Variants in TRIML2 observed in about 807,000 individuals in gnomAD.
The protein encoded by TRIML2 is probable E3 ubiquitin-protein ligase TRIML2.
Under a neutral mutation model 31.2 loss-of-function variants are expected in TRIML2, and 28 were observed. That is an observed-to-expected ratio of 0.90 (90% CI 0.66 to 1.23). The LOEUF (loss-of-function observed/expected upper bound fraction) is 1.23, where lower values mean the gene tolerates loss of function less well. Among genes scored for constraint, TRIML2 ranks in the 50% most tolerant of loss-of-function variants. The pLI, the probability that TRIML2 is intolerant of heterozygous loss-of-function variation, is 0.00. For synonymous variants in TRIML2, 187 were observed against 197.5 expected, an observed-to-expected ratio of 0.95 and a Z score of 0.45; for missense variants, 536 against 528.3, an observed-to-expected ratio of 1.01 and a Z score of -0.14.
intron 3 of TRIML2, among the ~76,000 whole-genome samples, chr4:188,103,446 G>A (rs1362672079): frequency 6.6e-6 from 1 of 151,974 alleles, no homozygotes; most frequent in Non-Finnish European, 1.5e-5. Context: ...CTAAATGACT[G>A]ACCGCCTTCT....
chr4:188,098,722 G>A (rs1234195744), intron 5 of TRIML2: 1 of 289,368 alleles, frequency 3.5e-6, no homozygotes, highest in South Asian at 5.4e-5. Context: ...TGCCTATAGA[G>A]CTGTTTTATT....
At position 188,097,094 on chromosome 4, in the gene TRIML2, T is replaced by C. The variant is rs1404806612; in HGVS notation, c.712A>G (p.Arg238Gly). Residue 238 changes from arginine to glycine, a missense_variant, in exon 7 of 8, where the codon AGA becomes GGA. By Grantham distance (125) the Arg-to-Gly change is moderately radical. Coordinates refer to ENST00000682553, the MANE Select transcript of TRIML2 (RefSeq NM_173553.4). ...HITDLSLCHI[R>G]GLSSMFRVLQ... ...ACTCTGAACATGCTGCTGAGTCCTC[T>C]TATGTGGCATAAACTCAGGTCTGTG... The C allele has an allele frequency of 6.2e-7, 1 of 1,613,944 alleles. No homozygotes were observed. Among genetic ancestry groups the C allele is most frequent in the African/African-American group, 1.3e-5 (1 of 74,920 alleles).
At position 188,105,332 on chromosome 4, in the gene TRIML2, T is replaced by C; in HGVS notation, c.37A>G (p.Ile13Val). 1.3e-6 allele frequency: 2 copies of C among 1,598,020 alleles called. No homozygotes were observed. The highest frequency in any genetic ancestry group is 1.3e-5 in the African/African-American group (1 of 74,826). ...KRLSPQLQHN[I>V]TEDAYCETHL... is the part of the protein sequence containing the mutation. The stretch of plus-strand genomic sequence containing the variant: ...GTTTCACAATAGGCATCTTCTGTGA[T>C]GTTGTGCTGTAACTGAGGGCTGAGC... Residue 13 changes from isoleucine (I) to valine (V), a missense_variant, in exon 2 of 8, where the codon ATC (isoleucine) becomes GTC (valine). Coordinates refer to ENST00000682553, the MANE Select transcript of TRIML2 (RefSeq NM_173553.4).
intron 4 of TRIML2, 95 bp from the exon 5 acceptor site, chr4:188,099,270 A>T (rs1040549317): frequency 6.8e-7 from 1 of 1,473,470 alleles, no homozygotes; most frequent in African/African-American, 1.4e-5. Context: ...CCATGTTTTT[A>T]AAAACCTGCT....
In TRIML2 at chr4:188,099,082, CG is replaced by C. The variant is rs759087191; in HGVS notation, c.573del (p.Ile191MetfsTer23). The C allele has an allele frequency of 8.7e-6, 14 of 1,614,148 alleles. No individual in the cohort carries two copies. In the South Asian group the frequency reaches 1.2e-4, roughly 14 times the overall value. On this transcript the variant is annotated frameshift_variant, in exon 5 of 8. Transcript: ENST00000682553. LOFTEE classifies it high-confidence loss of function. ...TCCCCACACTTTTTCTCAAGCTCCA[CG>C]ATGAGCTTTAGGAGGCTGCGGACCT... ...SEQVRSLLKL[I>X]VELEKKCGEG...
rs918347673 is a variant in TRIML2 at position 188,096,644 on chromosome 4, C to T, written c.745+417G>A. Among the ~76,000 whole-genome samples the T allele has an allele frequency of 8.0e-5, 12 of 149,574 alleles. No homozygotes were observed. In the East Asian group the frequency reaches 2.4e-3, roughly 29 times the overall value. On this transcript the variant is annotated intron_variant, in intron 7 of 7. Coordinates refer to ENST00000682553, the MANE Select transcript of TRIML2 (RefSeq NM_173553.4). ...AATATGTATAACATATTAAGCTCTCCAGTCTCCTAAAATTTTTATTTATTT... is the reference window on the plus strand; with the variant it reads ...AATATGTATAACATATTAAGCTCTCTAGTCTCCTAAAATTTTTATTTATTT...
At chr4:188,093,381 C>T (rs959270869) in intron 7 of TRIML2, among the ~76,000 whole-genome samples, 2 of 152,086 alleles carry the variant, frequency 1.3e-5, no homozygotes, top group South Asian at 2.1e-4. Flanking sequence ...TCTGGAAAAA[C>T]GCACAGCTGT....
chr4:188,102,625 T>G (rs1733847824), intron 3 of TRIML2, among the ~76,000 whole-genome samples: 1 of 151,780 alleles, frequency 6.6e-6, no homozygotes, highest in Non-Finnish European at 1.5e-5. Flanking sequence ...CCAAGGCAGG[T>G]GGATCATGGG....
Position 188,104,863 on chromosome 4 carries a change from C to T in TRIML2, c.259G>A (p.Glu87Lys), listed in dbSNP as rs1248903139. The change falls in exon 3 of 8, where the codon GAG becomes AAG. Residue 87 changes from glutamate (E) to lysine (K), a missense_variant. Physicochemically the swap from Glu to Lys is moderately conservative, Grantham distance 56. Transcript: ENST00000682553. ...TGAATCATCGCCATTCTTTCTTGCT[C>T]ATCAGTCAATATGCTTTTAGCTGCT... ...LEAAKSILTD[E>K]QERMAMIQEE... 2.5e-6 allele frequency: 4 copies of T among 1,614,020 alleles called. No homozygotes were observed. In the South Asian group the frequency reaches 3.3e-5, roughly 13 times the overall value.
chr4:188,105,159 A>G, intron 2 of TRIML2, 21 bp downstream of exon 2: 1 of 1,590,234 alleles, frequency 6.3e-7, no homozygotes, highest in Non-Finnish European at 8.6e-7. Flanking sequence ...GTGTTTTGGG[A>G]TTTGCGTGAG....
intron 7 of TRIML2, among the ~76,000 whole-genome samples, chr4:188,095,925 G>A (rs116780200): frequency 0.025 from 3,766 of 152,300 alleles, 142 homozygotes; most frequent in African/African-American, 0.085. Flanking sequence ...GCAGTATGCT[G>A]TCAGCCTCGA....
At chr4:188,102,129 TA>T (rs141783514) in intron 3 of TRIML2, among the ~76,000 whole-genome samples, 16,971 of 106,128 alleles carry the variant, frequency 0.16, 1,728 homozygotes, top group East Asian at 0.63. Flanking sequence ...GACTCCATCT[TA>T]AAAAAAAAAA....
chr4:188,109,261 G>A lies in TRIML2; in HGVS notation c.-241C>T, dbSNP rs958588641. ...CACTTACTTTCTTTGTAGCAATCCT[G>A]GGTATTTCCTTTTTTTTTTTTTTTT... On this transcript the variant is annotated 5_prime_UTR_variant, in exon 1 of 8. Coordinates refer to ENST00000682553, the MANE Select transcript of TRIML2 (RefSeq NM_173553.4). 3 of 144,984 alleles carry A rather than the reference G, an allele frequency of 2.1e-5. No individual in the cohort carries two copies. The highest frequency in any genetic ancestry group is 7.7e-5 in the African/African-American group (3 of 39,116). The allele number at this position is 144,984 out of a possible 1,614,324, so 9.0% of individuals were successfully genotyped here.
rs1195438745 is a variant in TRIML2 at position 188,097,139 on chromosome 4, G to A, written c.667C>T (p.His223Tyr). Residue 223 changes from histidine (H) to tyrosine (Y), a missense_variant, in exon 7 of 8, where the codon CAT (histidine) becomes TAT (tyrosine). Physicochemically the swap from His to Tyr is moderately conservative, Grantham distance 83. Coordinates refer to ENST00000682553, the MANE Select transcript of TRIML2 (RefSeq NM_173553.4). ...LERSKSLLLE[H>Y]LEPAHITDLS... ...TCTGTGATATGAGCGGGCTCCAGAT[G>A]CTCAAGCAGCAGTGACTTGCTCCTG... 2 of 1,613,958 alleles carry A rather than the reference G, an allele frequency of 1.2e-6. No homozygotes were observed. The highest frequency in any genetic ancestry group is 1.7e-6 in the Non-Finnish European group (2 of 1,180,006).
rs145050804 is a variant in TRIML2 at position 188,093,886 on chromosome 4, C to G, written c.746-1945G>C. ...TTGGGAACCTGAGGCAGGCAGATCA[C>G]GAGGTTGGGAGTTCGAGACCAGCCT... On this transcript the variant is annotated intron_variant, in intron 7 of 7. Coordinates refer to ENST00000682553, the MANE Select transcript of TRIML2 (RefSeq NM_173553.4). Among the ~76,000 whole-genome samples, 30 of 151,830 alleles carry G rather than the reference C, an allele frequency of 2.0e-4. No individual in the cohort carries two copies. In the East Asian group the frequency reaches 5.3e-3, roughly 27 times the overall value.
At chr4:188,092,966 G>GA (rs1733333585) in intron 7 of TRIML2, 1 of 436,532 alleles carries the variant, frequency 2.3e-6, no homozygotes, top group South Asian at 1.6e-5. Context: ...CCAGGTAACT[G>GA]TGCATAGCTT....
chr4:188,100,761 G>A (rs1733751021), intron 4 of TRIML2, among the ~76,000 whole-genome samples: 1 of 152,092 alleles, frequency 6.6e-6, no homozygotes, highest in Non-Finnish European at 1.5e-5. Context: ...GCTCTAAACT[G>A]AAACTCAGTT....
chr4:188,101,753 C>A (rs935630242), intron 3 of TRIML2, among the ~76,000 whole-genome samples: 7 of 151,930 alleles, frequency 4.6e-5, no homozygotes, highest in Non-Finnish European at 1.0e-4. Context: ...AAGGAATAAA[C>A]CCAAAGGAGA....
At chr4:188,106,932 T>C in intron 1 of TRIML2, 1 of 213,766 alleles carries the variant, frequency 4.7e-6, no homozygotes. Flanking sequence ...TTAAGTCCTT[T>C]GTAATTCTGG....
Sources: allele counts gnomAD v4.1 joint callset (sites outside exome capture counted in the v4.1 genomes callset), GRCh38; gene constraint gnomAD v4.1.1; transcripts MANE v1.5; gene names NCBI Gene and HGNC (gene_info 2026-07-23, HGNC 2026-07-21).